GRID2IP: variants seen among roughly 807,000 people sequenced by gnomAD.
The protein encoded by GRID2IP is delphilin.
GRID2IP carries 78 observed loss-of-function variants against 114.3 expected under a neutral mutation model. The ratio of observed to expected loss-of-function variants is 0.68; its 90% CI spans 0.57 to 0.82. GRID2IP has a LOEUF of 0.82. Among genes scored for constraint, GRID2IP ranks in the 40% least tolerant of loss-of-function variants. The pLI is 0.00. For missense variants in GRID2IP, 1,727 were observed against 1,678.5 expected (o/e 1.03, Z -0.51); for synonymous variants, 809 against 724.0 (o/e 1.12, Z -1.89).
chr7:6,540,687 ATTTTTTTTTTTT>A (rs34930808), intron 1 of GRID2IP, among the ~76,000 whole-genome samples: 5 of 92,318 alleles, frequency 5.4e-5, no homozygotes, highest in Non-Finnish European at 8.0e-5. Context: ...CACCTGGCTA[ATTTTTTTTTTTT>A]TTTTTTTTTT....
chr7:6,543,822 C>T (rs1779847622), intron 1 of GRID2IP, among the ~76,000 whole-genome samples: 1 of 151,834 alleles, frequency 6.6e-6, no homozygotes, highest in African/African-American at 2.4e-5. Flanking sequence ...GAGAAAGTCT[C>T]ACTCTGTCGC....
rs1786675756 is a variant in GRID2IP, at chr7:6,508,905, G to C, written c.2127+53C>G. 2.0e-6 allele frequency: 3 copies of C among 1,511,680 alleles called. No individual in the cohort carries two copies. Among genetic ancestry groups the C allele is most frequent in the Non-Finnish European group, 1.8e-6 (2 of 1,133,516 alleles). 93.6% of individuals were successfully genotyped at this position (1,511,680 alleles called of 1,614,324 possible). ...AGCCCAGGAACACTGTTGCCTTGCA[G>C]ACCGCCACACCTCGCCTCACCCGCC... is the stretch of plus-strand genomic sequence containing the variant. On this transcript the variant is annotated intron_variant, in intron 12 of 21. Coordinates refer to ENST00000457091, the MANE Select transcript of GRID2IP (RefSeq NM_001145118.2). This position sits in a 1 kb window ranked among gnomAD's most constrained non-coding sequence, Gnocchi z 5.6.
chr7:6,517,079 C>T (rs1397708174), intron 7 of GRID2IP, among the ~76,000 whole-genome samples: 2 of 148,872 alleles, frequency 1.3e-5, no homozygotes, highest in Non-Finnish European at 3.0e-5. Flanking sequence ...TTTTTTGAGA[C>T]AGTCTGGCTC....
rs1241397793 is a variant in GRID2IP, at chr7:6,508,925, C to T, written c.2127+33G>A. On this transcript the variant is annotated intron_variant, in intron 12 of 21. Coordinates refer to ENST00000457091, the MANE Select transcript of GRID2IP (RefSeq NM_001145118.2). This position sits in a 1 kb window ranked among gnomAD's most constrained non-coding sequence, Gnocchi z 5.6. ...TTGCAGACCGCCACACCTCGCCTCA[C>T]CCGCCTCCCTCCACACCTGCTTGCG... 6.5e-7 allele frequency: 1 copy of T among 1,531,332 alleles called. No individual in the cohort carries two copies. The allele number at this position is 1,531,332 out of a possible 1,614,324, so 94.9% of individuals were successfully genotyped here.
At chr7:6,530,507 C>T (rs533100917) in intron 2 of GRID2IP, among the ~76,000 whole-genome samples, 3 of 151,260 alleles carry the variant, frequency 2.0e-5, no homozygotes, top group Non-Finnish European at 4.4e-5. Context: ...TCAGAAGATC[C>T]GCACCCCCCA....
intron 16 of GRID2IP, 112 bp downstream of exon 16, chr7:6,503,379 C>T: frequency 8.7e-7 from 1 of 1,154,408 alleles, no homozygotes; most frequent in South Asian, 1.6e-5. Flanking sequence ...GACTCAGAGG[C>T]TTGGGCGCAA....
rs1251002563 is a variant in GRID2IP at position 6,521,972 on chromosome 7, AG to A, written c.920-16del. ...AGCTGGGCTCCCTGGAAGCAAGAAGAGAGGGTGTGCCGGTCAGCTGGGCAGG... is the reference window on the plus strand; with the variant it reads ...AGCTGGGCTCCCTGGAAGCAAGAAGAAGGGTGTGCCGGTCAGCTGGGCAGG... On this transcript the variant is annotated splice_polypyrimidine_tract_variant and intron_variant, in intron 4 of 21. Transcript: ENST00000457091. The surrounding 1 kb of genome is among the most constrained non-coding windows in gnomAD (Gnocchi z 4.1). 6.5e-7 allele frequency: 1 copy of A among 1,549,650 alleles called. No homozygotes were observed. Among genetic ancestry groups the A allele is most frequent in the Non-Finnish European group, 8.7e-7 (1 of 1,145,310 alleles).
intron 14 of GRID2IP, among the ~76,000 whole-genome samples, chr7:6,505,344 C>T (rs1019889606): frequency 8.1e-5 from 12 of 147,330 alleles, no homozygotes; most frequent in African/African-American, 3.0e-4. Context: ...GATCACTGCA[C>T]AGTAAATGCC....
chr7:6,501,387 TA>T (rs1786411644), intron 20 of GRID2IP, among the ~76,000 whole-genome samples: 1 of 151,908 alleles, frequency 6.6e-6, no homozygotes, highest in Non-Finnish European at 1.5e-5. Flanking sequence ...AACAAATAAA[TA>T]AATAAATAAA....
At chr7:6,512,595 C>T (rs1779199047) in intron 8 of GRID2IP, among the ~76,000 whole-genome samples, 1 of 151,728 alleles carries the variant, frequency 6.6e-6, no homozygotes, top group Non-Finnish European at 1.5e-5. Context: ...ACTGCAACCT[C>T]CGTCTCCCAG....
intron 15 of GRID2IP, among the ~76,000 whole-genome samples, 181 bp from the exon 16 acceptor site, chr7:6,503,868 G>A (rs891151403): frequency 4.6e-5 from 7 of 152,064 alleles, no homozygotes; most frequent in East Asian, 1.9e-4. Context: ...GCTGAGCTGA[G>A]GCGGCTCCCG....
chr7:6,505,020 C>T, intron 14 of GRID2IP, 150 bp from the exon 15 acceptor site: 1 of 675,130 alleles, frequency 1.5e-6, no homozygotes. Flanking sequence ...CTTCATTCCT[C>T]AGGTCGGGGA....
rs895471814 is a variant in GRID2IP at position 6,539,862 on chromosome 7, A to C, written c.440T>G (p.Ile147Ser). The C allele has an allele frequency of 2.6e-6, 4 of 1,551,072 alleles. No individual in the cohort carries two copies. The African/African-American group carries it at 5.5e-5, about 21-fold the overall frequency. The change falls in exon 2 of 22, where the codon ATC becomes AGC. Residue 147 changes from isoleucine (I) to serine (S), a missense_variant. Ile to Ser is a moderately radical substitution (Grantham distance 142). Transcript: ENST00000457091. ...AQEFSRKVDEILGDQPTAKEQ... is the reference protein window; with the variant it reads ...AQEFSRKVDESLGDQPTAKEQ... The stretch of plus-strand genomic sequence containing the variant: ...CTTGGCAGTTGGCTGGTCCCCCAAG[A>C]TTTCATCCACCTGCAAGGAGGAGTC...
chr7:6,509,392 G>A lies in GRID2IP; in HGVS notation c.1772-79C>T. ...GGTGCAAGCTGGAGAGAGGGTCCTA[G>A]GACAGACTGGCTCTGTGTCCCAGGC... On this transcript the variant is annotated intron_variant, in intron 11 of 21. Coordinates refer to ENST00000457091, the MANE Select transcript of GRID2IP (RefSeq NM_001145118.2). This position sits in a 1 kb window ranked among gnomAD's most constrained non-coding sequence, Gnocchi z 4.9. 3.1e-6 allele frequency: 4 copies of A among 1,283,754 alleles called. No individual in the cohort carries two copies. Among genetic ancestry groups the A allele is most frequent in the Non-Finnish European group, 4.2e-6 (4 of 960,660 alleles). The allele number at this position is 1,283,754 out of a possible 1,614,324, so 79.5% of individuals were successfully genotyped here. A position where few individuals can be genotyped will look rare whatever the true frequency, so the allele number is the denominator to read the frequency against.
At chr7:6,547,155 C>T (rs556896207) in intron 1 of GRID2IP, among the ~76,000 whole-genome samples, 19 of 152,202 alleles carry the variant, frequency 1.2e-4, no homozygotes, top group Admixed American at 2.0e-4. Flanking sequence ...GCTGAGACCT[C>T]GTATGGACAT....
In GRID2IP at chr7:6,508,746, T is replaced by C. The variant is rs1786670562; in HGVS notation, c.2127+212A>G. ...ATGGGCTAACCTGCGACAGGGAATA[T>C]GGGCTAGCCTCAGTCAAGGAGCATG... On this transcript the variant is annotated intron_variant, in intron 12 of 21. Transcript: ENST00000457091. This position sits in a 1 kb window ranked among gnomAD's most constrained non-coding sequence, Gnocchi z 5.6. Among the ~76,000 whole-genome samples, 1 of 152,014 alleles carries C rather than the reference T, an allele frequency of 6.6e-6. No homozygotes were observed. Among genetic ancestry groups the C allele is most frequent in the Non-Finnish European group, 1.5e-5 (1 of 67,994 alleles).
rs943113452 is a variant in GRID2IP, at chr7:6,509,797, C to T, written c.1772-484G>A. Reference sequence around the variant, plus strand: ...TTTATCCAATAACCACTTGCTAACTCGGGGACTTCCTCAGAATCAGGCATC... The same window carrying T: ...TTTATCCAATAACCACTTGCTAACTTGGGGACTTCCTCAGAATCAGGCATC... On this transcript the variant is annotated intron_variant, in intron 11 of 21. Coordinates refer to ENST00000457091, the MANE Select transcript of GRID2IP (RefSeq NM_001145118.2). This position sits in a 1 kb window ranked among gnomAD's most constrained non-coding sequence, Gnocchi z 4.9. 7.2e-5 allele frequency among the ~76,000 whole-genome samples: 11 copies of T among 152,278 alleles called. No individual in the cohort carries two copies. The highest frequency in any genetic ancestry group is 1.4e-4 in the African/African-American group (6 of 41,570).
chr7:6,498,010 G>T (rs969625230), intron 21 of GRID2IP, 54 bp downstream of exon 21: 2 of 1,476,686 alleles, frequency 1.4e-6, no homozygotes, highest in Non-Finnish European at 1.8e-6. Flanking sequence ...CCTTCATTTG[G>T]CCTCTGGCCC....
rs1221536717 is a variant in GRID2IP at position 6,521,599 on chromosome 7, C to T, written c.990-76G>A. 3.7e-6 allele frequency: 4 copies of T among 1,083,172 alleles called. No homozygotes were observed. The highest frequency in any genetic ancestry group is 2.5e-5 in the Admixed American group (1 of 40,064). 67.1% of individuals were successfully genotyped at this position (1,083,172 alleles called of 1,614,324 possible). On this transcript the variant is annotated intron_variant, in intron 5 of 21. Transcript: ENST00000457091. This position sits in a 1 kb window ranked among gnomAD's most constrained non-coding sequence, Gnocchi z 4.1. Reference sequence around the variant, plus strand: ...ACGGCCACCAGCCAGACCTCCCTGTCCTGCCCACAGAGGTCACACAGCAAG... The same window carrying T: ...ACGGCCACCAGCCAGACCTCCCTGTTCTGCCCACAGAGGTCACACAGCAAG...
Sources: allele counts gnomAD v4.1 joint callset (sites outside exome capture counted in the v4.1 genomes callset), GRCh38; gene constraint gnomAD v4.1.1; non-coding constraint Gnocchi (gnomAD v3.1); transcripts MANE v1.5; gene names NCBI Gene and HGNC (gene_info 2026-07-23, HGNC 2026-07-21).